Variants in SIAH3 observed in about 807,000 individuals in gnomAD.
SIAH3 encodes the protein siah E3 ubiquitin protein ligase family member 3, also known as seven in absentia homolog 3.
In SIAH3, 9 loss-of-function variants were observed where a neutral mutation model predicts 12.6. The observed-to-expected ratio is 0.72, with a 90% CI of 0.43 to 1.25. The LOEUF (loss-of-function observed/expected upper bound fraction) is 1.25. Ranked by LOEUF, SIAH3 falls within the 50% of genes most tolerant of loss-of-function variation. The pLI is 0.00. For synonymous variants in SIAH3, 154 were observed against 151.1 expected, an observed-to-expected ratio of 1.02 and a Z score of -0.14; for missense variants, 390 against 365.4, an observed-to-expected ratio of 1.07 and a Z score of -0.55.
chr13:45,817,621 GAAGACAGAGCAGAGAAAGATGTGA>G (rs1950639205), intron 1 of SIAH3, among the ~76,000 whole-genome samples: 1 of 125,938 alleles, frequency 7.9e-6, no homozygotes, highest in Non-Finnish European at 1.6e-5. Flanking sequence ...AAAGCAATGT[GAAGACAGAGCAGAGAAAGATGTGA>G]AGGATGCTGG....
rs56315825 is a variant in SIAH3, at chr13:45,804,963, AACACACACACACACACACACACAC to A, written c.136-20930_136-20907del. Among the ~76,000 whole-genome samples, 9 of 135,912 alleles carry A rather than the reference AACACACACACACACACACACACAC, an allele frequency of 6.6e-5. 1 individual carries two copies. The South Asian group carries it at 1.3e-3, about 19-fold the overall frequency. The allele number at this position is 135,912 out of a possible 152,430, so 89.2% of individuals were successfully genotyped here. ...AAATCAAGAACTCAATCCCATTTATAACACACACACACACACACACACACACACACACACACACACACACACAAA... is the reference window on the plus strand; with the variant it reads ...AAATCAAGAACTCAATCCCATTTATAACACACACACACACACACACACAAA... On this transcript the variant is annotated intron_variant, in intron 1 of 1. Transcript: ENST00000400405.
At position 45,783,613 on chromosome 13, in the gene SIAH3, T is replaced by TG; in HGVS notation, c.579dup (p.Thr194HisfsTer30). ...CGATAGGTGAAGCAGTCGGCCTGGG[T>TG]GGGGGTCCCAATCAGCATCATGGTG... On this transcript the variant is annotated frameshift_variant, in exon 2 of 2. Coordinates refer to ENST00000400405, the MANE Select transcript of SIAH3 (RefSeq NM_198849.3). LOFTEE classifies it high-confidence loss of function. The TG allele has an allele frequency of 6.2e-7, 1 of 1,614,124 alleles. No homozygotes were observed. The highest frequency in any genetic ancestry group is 2.2e-5 in the East Asian group (1 of 44,876).
intron 1 of SIAH3, among the ~76,000 whole-genome samples, chr13:45,811,209 G>A (rs1420070831): frequency 6.6e-6 from 1 of 152,200 alleles, no homozygotes; most frequent in African/African-American, 2.4e-5. Flanking sequence ...TTGGTAATGA[G>A]TGCTGGTGGT....
chr13:45,842,058 A>C (rs1950742019), intron 1 of SIAH3, among the ~76,000 whole-genome samples: 1 of 152,208 alleles, frequency 6.6e-6, no homozygotes, highest in African/African-American at 2.4e-5. Context: ...CATTTGTTAG[A>C]CCGGCTCCTT....
At chr13:45,820,700 ACT>A (rs1326748826) in intron 1 of SIAH3, among the ~76,000 whole-genome samples, 2 of 151,432 alleles carry the variant, frequency 1.3e-5, no homozygotes, top group African/African-American at 4.9e-5. Context: ...GAGCAAACAG[ACT>A]CTGCCTGGCT....
At chr13:45,801,325 G>T in intron 1 of SIAH3, among the ~76,000 whole-genome samples, 1 of 152,132 alleles carries the variant, frequency 6.6e-6, no homozygotes. Flanking sequence ...GGGATGAGAG[G>T]TGAGCACTCC....
At chr13:45,826,992 G>A (rs967476990) in intron 1 of SIAH3, among the ~76,000 whole-genome samples, 2 of 152,078 alleles carry the variant, frequency 1.3e-5, no homozygotes, top group Non-Finnish European at 2.9e-5. Flanking sequence ...CAGTTTTAAC[G>A]GCCTGCCCAC....
At chr13:45,815,909 T>C (rs1032108452) in intron 1 of SIAH3, among the ~76,000 whole-genome samples, 3 of 152,162 alleles carry the variant, frequency 2.0e-5, no homozygotes, top group Non-Finnish European at 4.4e-5. Context: ...ACAACAAAAA[T>C]CACAGCAAAT....
intron 1 of SIAH3, among the ~76,000 whole-genome samples, chr13:45,796,069 A>T (rs1255077383): frequency 6.6e-6 from 1 of 152,180 alleles, no homozygotes; most frequent in Non-Finnish European, 1.5e-5. Flanking sequence ...TTGTGTGTGG[A>T]CATATTGACT....
In SIAH3 at chr13:45,808,816, G is replaced by A. The variant is rs553027999; in HGVS notation, c.136-24759C>T. ...TGGTTAAAATTAGGTTTCCATTCTTGATGGAATGGGAACCAGAATATATAT... is the reference window on the plus strand; with the variant it reads ...TGGTTAAAATTAGGTTTCCATTCTTAATGGAATGGGAACCAGAATATATAT... On this transcript the variant is annotated intron_variant, in intron 1 of 1. Coordinates refer to ENST00000400405, the MANE Select transcript of SIAH3 (RefSeq NM_198849.3). Among the ~76,000 whole-genome samples the A allele has an allele frequency of 3.9e-5, 6 of 152,260 alleles. No homozygotes were observed. The South Asian group carries it at 1.2e-3, about 32-fold the overall frequency.
At chr13:45,822,339 A>G (rs1387823934) in intron 1 of SIAH3, among the ~76,000 whole-genome samples, 7 of 151,748 alleles carry the variant, frequency 4.6e-5, no homozygotes, top group South Asian at 4.2e-4. Flanking sequence ...ATCATTCATT[A>G]TTTTTTCCAA....
In SIAH3 at chr13:45,834,949, A is replaced by C. The variant is rs372781479; in HGVS notation, c.135+16546T>G. ...TTAGAACAGGGCGTGCCTAACACAT[A>C]GTAAGTGCTTTATAAGTGTGTATTT... On this transcript the variant is annotated intron_variant, in intron 1 of 1. Coordinates refer to ENST00000400405, the MANE Select transcript of SIAH3 (RefSeq NM_198849.3). 3.9e-5 allele frequency among the ~76,000 whole-genome samples: 6 copies of C among 152,324 alleles called. No individual in the cohort carries two copies. The East Asian group carries it at 9.6e-4, about 24-fold the overall frequency.
intron 1 of SIAH3, among the ~76,000 whole-genome samples, chr13:45,792,931 C>A (rs973421741): frequency 6.6e-6 from 1 of 152,054 alleles, no homozygotes; most frequent in East Asian, 1.9e-4. Flanking sequence ...TTCTTCAAGG[C>A]GACTTTTTGT....
chr13:45,847,870 C>G (rs1950765850), intron 1 of SIAH3, among the ~76,000 whole-genome samples: 2 of 152,108 alleles, frequency 1.3e-5, no homozygotes, highest in Non-Finnish European at 2.9e-5. Context: ...TGATGACTGA[C>G]CCCAGACCGA....
At chr13:45,832,319 G>A (rs1950702219) in intron 1 of SIAH3, among the ~76,000 whole-genome samples, 1 of 152,210 alleles carries the variant, frequency 6.6e-6, no homozygotes. Flanking sequence ...TCGCTCCAAA[G>A]AGACACTGTG....
In SIAH3 at chr13:45,783,503, C is replaced by G. The variant is rs574787859; in HGVS notation, c.690G>C (p.Thr230=). The change falls in exon 2 of 2, where the codon ACG becomes ACC. Residue 230 remains threonine (T), a synonymous_variant. Coordinates refer to ENST00000400405, the MANE Select transcript of SIAH3 (RefSeq NM_198849.3). ...SVLECVDSVI[T]DGDCLVLNTS... is the part of the protein sequence containing the mutation. Reference sequence around the variant, plus strand: ...TGTTGAGGACGAGGCAGTCCCCGTCCGTAATCACCGAGTCCACGCACTCAA... The same window carrying G: ...TGTTGAGGACGAGGCAGTCCCCGTCGGTAATCACCGAGTCCACGCACTCAA... 5.0e-6 allele frequency: 8 copies of G among 1,614,162 alleles called. No homozygotes were observed. The South Asian group carries it at 6.6e-5, about 13-fold the overall frequency.
At chr13:45,818,167 C>T (rs1435298880) in intron 1 of SIAH3, among the ~76,000 whole-genome samples, 2 of 152,224 alleles carry the variant, frequency 1.3e-5, no homozygotes, top group African/African-American at 4.8e-5. Flanking sequence ...CACCTGCCCG[C>T]AGTGGTAACT....
At chr13:45,817,155 C>T (rs920313952) in intron 1 of SIAH3, among the ~76,000 whole-genome samples, 1 of 152,244 alleles carries the variant, frequency 6.6e-6, no homozygotes, top group Non-Finnish European at 1.5e-5. Context: ...CACTGCATAA[C>T]AATGTTTAGG....
At chr13:45,851,118 G>A (rs951643678) in intron 1 of SIAH3, among the ~76,000 whole-genome samples, 1 of 150,524 alleles carries the variant, frequency 6.6e-6, no homozygotes, top group African/African-American at 2.4e-5. Flanking sequence ...GAGAGAATTT[G>A]GCTAACTTCA....
Sources: allele counts gnomAD v4.1 joint callset (sites outside exome capture counted in the v4.1 genomes callset), GRCh38; gene constraint gnomAD v4.1.1; transcripts MANE v1.5; gene names NCBI Gene and HGNC (gene_info 2026-07-23, HGNC 2026-07-21).